Variants in CDC73 observed in about 807,000 individuals in gnomAD.
CDC73 encodes the protein parafibromin.
In CDC73, 21 loss-of-function variants were observed where a neutral mutation model predicts 83.7. The ratio of observed to expected loss-of-function variants is 0.25; its 90% confidence interval spans 0.18 to 0.36. The LOEUF is 0.36. Ranked by LOEUF, CDC73 falls within the 10% of genes least tolerant of loss-of-function variation. The pLI is 1.00. For missense variants in CDC73, 342 were observed against 653.3 expected (o/e 0.52, Z 5.19); for synonymous variants, 224 against 212.9 (o/e 1.05, Z -0.45).
intron 2 of CDC73, among the ~76,000 whole-genome samples, chr1:193,128,406 C>A (rs75407773): frequency 2.0e-5 from 3 of 151,902 alleles, no homozygotes; most frequent in Non-Finnish European, 1.5e-5. Context: ...TTGTCTTCCT[C>A]CTTCAGCCTC....
chr1:193,233,249 TG>T (rs1677693533), intron 14 of CDC73, 95 bp downstream of exon 14: 1 of 1,140,388 alleles, frequency 8.8e-7, no homozygotes, highest in Non-Finnish European at 1.3e-6. Flanking sequence ...TTTTAAGAGA[TG>T]GGGTCTCACT....
Position 193,147,732 on chromosome 1 carries a change from T to A in CDC73, c.730-135T>A, listed in dbSNP as rs538146969. Reference sequence around the variant, plus strand: ...CTTAGTAGTGGTTGGTTTTTACATATGTGTATAATAATGATACCTTATGAC... The same window carrying A: ...CTTAGTAGTGGTTGGTTTTTACATAAGTGTATAATAATGATACCTTATGAC... On this transcript the variant is annotated intron_variant, in intron 7 of 16. Coordinates refer to ENST00000367435, the MANE Select transcript of CDC73 (RefSeq NM_024529.5). The A allele has an allele frequency of 1.7e-5, 11 of 666,480 alleles. No individual in the cohort carries two copies. The South Asian group carries it at 1.9e-4, about 12-fold the overall frequency. The allele number at this position is 666,480 out of a possible 1,614,324, so 41.3% of individuals were successfully genotyped here.
At chr1:193,202,285 C>G (rs1677105060) in intron 10 of CDC73, among the ~76,000 whole-genome samples, 2 of 152,064 alleles carry the variant, frequency 1.3e-5, no homozygotes, top group South Asian at 4.1e-4. Flanking sequence ...ACTGGAATTA[C>G]AAAGAATAAT....
At chr1:193,247,406 G>C (rs1677972211) in intron 15 of CDC73, among the ~76,000 whole-genome samples, 1 of 151,416 alleles carries the variant, frequency 6.6e-6, no homozygotes, top group Non-Finnish European at 1.5e-5. Context: ...CTCTCTTCAG[G>C]CCTCTCTTTT....
In CDC73 at chr1:193,162,529, C is replaced by A. The variant is rs953456727; in HGVS notation, c.972+10085C>A. ...CTGAGACTACAGGCGTGCACCACCA[C>A]GGCCTGGCAATTTTTTGTATTTTTA... On this transcript the variant is annotated intron_variant, in intron 10 of 16. Transcript: ENST00000367435. 2.0e-5 allele frequency among the ~76,000 whole-genome samples: 3 copies of A among 151,220 alleles called. No homozygotes were observed. In the East Asian group the frequency reaches 5.8e-4, roughly 29 times the overall value.
intron 13 of CDC73, among the ~76,000 whole-genome samples, chr1:193,221,698 C>A (rs1259878352): frequency 6.6e-6 from 1 of 152,248 alleles, no homozygotes; most frequent in African/African-American, 2.4e-5. Context: ...ATTTTAGTGT[C>A]ATTCTCTTTA....
At chr1:193,236,160 G>T in intron 14 of CDC73, 96 bp from the exon 15 acceptor site, 1 of 804,674 alleles carries the variant, frequency 1.2e-6, no homozygotes, top group Non-Finnish European at 2.3e-6. Flanking sequence ...AATGTTTATG[G>T]GACTGTTGCC....
intron 3 of CDC73, 96 bp from the exon 4 acceptor site, chr1:193,135,295 A>C: frequency 1.0e-6 from 1 of 975,058 alleles, no homozygotes. Context: ...ATCACCATAT[A>C]GAAGTATATA....
intron 9 of CDC73, among the ~76,000 whole-genome samples, chr1:193,151,020 A>G (rs1016690917): frequency 2.6e-5 from 4 of 152,172 alleles, no homozygotes; most frequent in African/African-American, 9.7e-5. Flanking sequence ...CTTGGAAACA[A>G]ATTTTGAGCA....
intron 8 of CDC73, among the ~76,000 whole-genome samples, chr1:193,149,442 G>A (rs1329110539): frequency 6.6e-6 from 1 of 151,930 alleles, no homozygotes; most frequent in African/African-American, 2.4e-5. Flanking sequence ...TTAGAATTAT[G>A]AATTTGTTGA....
chr1:193,204,650 T>G (rs1477338553), intron 11 of CDC73, among the ~76,000 whole-genome samples: 2 of 152,092 alleles, frequency 1.3e-5, no homozygotes, highest in African/African-American at 2.4e-5. Context: ...ATAAAATAGG[T>G]TATAAAACAC....
At chr1:193,235,217 C>T (rs1213410897) in intron 14 of CDC73, among the ~76,000 whole-genome samples, 2 of 152,044 alleles carry the variant, frequency 1.3e-5, no homozygotes, top group Non-Finnish European at 2.9e-5. Flanking sequence ...TACCCAGTGC[C>T]CTAGCATAGT....
At chr1:193,155,089 A>G (rs1029119890) in intron 10 of CDC73, among the ~76,000 whole-genome samples, 1 of 152,240 alleles carries the variant, frequency 6.6e-6, no homozygotes, top group Non-Finnish European at 1.5e-5. Flanking sequence ...TGTTATATGC[A>G]AGACTAAATT....
intron 10 of CDC73, among the ~76,000 whole-genome samples, chr1:193,183,848 A>C (rs781061340): frequency 6.6e-6 from 1 of 151,924 alleles, no homozygotes; most frequent in Non-Finnish European, 1.5e-5. Context: ...AAGTCCAATT[A>C]TACAGATTTT....
intron 8 of CDC73, among the ~76,000 whole-genome samples, chr1:193,148,959 T>G (rs1169449546): frequency 1.3e-5 from 2 of 152,136 alleles, no homozygotes; most frequent in Non-Finnish European, 2.9e-5. Context: ...AAAGGCACAT[T>G]GAAATGTATT....
intron 3 of CDC73, among the ~76,000 whole-genome samples, chr1:193,134,162 G>A (rs568657771): frequency 1.4e-4 from 22 of 151,916 alleles, no homozygotes; most frequent in Admixed American, 2.0e-4. Context: ...AATTACATGT[G>A]TAGGGTGAAT....
chr1:193,192,110 A>G (rs764151013), intron 10 of CDC73, among the ~76,000 whole-genome samples: 1 of 152,242 alleles, frequency 6.6e-6, no homozygotes, highest in African/African-American at 2.4e-5. Context: ...AGTATCAGAA[A>G]GTATTTATTT....
At chr1:193,180,704 C>T (rs770824791) in intron 10 of CDC73, 2 of 1,614,060 alleles carry the variant, frequency 1.2e-6, no homozygotes, top group Non-Finnish European at 1.7e-6. Context: ...CGATTGGGTG[C>T]ATATCCTCGC....
intron 10 of CDC73, chr1:193,180,051 T>C (rs1676684822): frequency 6.3e-6 from 2 of 315,110 alleles, no homozygotes; most frequent in Non-Finnish European, 1.1e-5. Flanking sequence ...ATGCTTGTTA[T>C]TGCATGTTAA....
Sources: gnomAD v4.1 joint callset for allele counts (sites outside exome capture counted in the v4.1 genomes callset) on GRCh38, gnomAD v4.1.1 for gene constraint, MANE v1.5 for transcripts, NCBI Gene and HGNC (gene_info 2026-07-23, HGNC 2026-07-21) for gene names.